The following SMYD3 variants were observed in gnomAD, a reference collection of about 807,000 sequenced individuals.
The protein encoded by SMYD3 is SET and MYND domain containing 3.
A neutral mutation model predicts 57.7 loss-of-function variants in SMYD3; 36 were observed. The observed-to-expected ratio is 0.62, with a 90% CI of 0.48 to 0.82. The LOEUF (loss-of-function observed/expected upper bound fraction) is 0.82, where lower values mean the gene tolerates loss of function less well. Among genes scored for constraint, SMYD3 ranks in the 40% least tolerant of loss-of-function variants. The probability of loss-of-function intolerance (pLI) is 0.00; values close to 1 mark genes in which losing one functional copy is unlikely to be tolerated. For synonymous variants in SMYD3, 211 were observed against 195.0 expected (o/e 1.08, Z -0.68); for missense variants, 515 against 538.8 (o/e 0.96, Z 0.44).
chr1:246,268,753 T>C (rs1171352844), intron 5 of SMYD3, among the ~76,000 whole-genome samples: 1 of 151,694 alleles, frequency 6.6e-6, no homozygotes, highest in Non-Finnish European at 1.5e-5. Flanking sequence ...AAGAAAGAAA[T>C]GGGCAACCAG....
intron 1 of SMYD3, among the ~76,000 whole-genome samples, chr1:246,382,698 AC>A (rs1056341733): frequency 2.0e-5 from 3 of 150,436 alleles, no homozygotes; most frequent in African/African-American, 7.4e-5. Flanking sequence ...GCCCCTGTGG[AC>A]CCAAGATCCA....
rs147966503 is a variant in SMYD3, at chr1:246,088,309, T to C, written c.532-158372A>G. ...TCTCTCTCTATTCAGGAGTTCTCAA[T>C]TTCCCATTTCTCCCGGCTTAAAAGT... is the stretch of plus-strand genomic sequence containing the variant. On this transcript the variant is annotated intron_variant, in intron 5 of 11. Coordinates refer to ENST00000490107, the MANE Select transcript of SMYD3 (RefSeq NM_001167740.2). 3.0e-3 allele frequency among the ~76,000 whole-genome samples: 451 copies of C among 152,172 alleles called. 4 individuals are homozygous for C. The highest frequency in any genetic ancestry group is 0.01 in the African/African-American group (432 of 41,492).
chr1:246,132,979 A>G (rs2061610527), intron 5 of SMYD3, among the ~76,000 whole-genome samples: 1 of 152,086 alleles, frequency 6.6e-6, no homozygotes, highest in Non-Finnish European at 1.5e-5. Flanking sequence ...ATAAACAGAA[A>G]AGAAGAAATG....
At chr1:245,979,420 A>G (rs1421173778) in intron 5 of SMYD3, among the ~76,000 whole-genome samples, 1 of 152,224 alleles carries the variant, frequency 6.6e-6, no homozygotes, top group African/African-American at 2.4e-5. Flanking sequence ...GGAAAAGATC[A>G]CACTAGAGAG....
intron 5 of SMYD3, among the ~76,000 whole-genome samples, chr1:246,236,095 T>C (rs1357028724): frequency 6.6e-6 from 1 of 152,146 alleles, no homozygotes; most frequent in Non-Finnish European, 1.5e-5. Context: ...TCAAACTCTA[T>C]ACAGTATTAT....
Position 245,793,153 on chromosome 1 carries a change from C to T in SMYD3, c.1077-29004G>A, listed in dbSNP as rs1367234946. 4.7e-5 allele frequency among the ~76,000 whole-genome samples: 7 copies of T among 148,708 alleles called. No homozygotes were observed. In the East Asian group the frequency reaches 8.0e-4, roughly 17 times the overall value. On this transcript the variant is annotated intron_variant, in intron 10 of 11. Transcript: ENST00000490107. ...TGAAACCCCGTCTCTACTAAAAATA[C>T]AAAAAATGAGCCGGGCATGGTGGCG... is the stretch of plus-strand genomic sequence containing the variant.
intron 5 of SMYD3, among the ~76,000 whole-genome samples, chr1:246,215,193 G>C (rs986554589): frequency 6.6e-6 from 1 of 152,130 alleles, no homozygotes; most frequent in African/African-American, 2.4e-5. Flanking sequence ...GATCCGGACA[G>C]TAATAAAACA....
At chr1:245,938,386 GC>G (rs2147882327) in intron 5 of SMYD3, among the ~76,000 whole-genome samples, 1 of 152,320 alleles carries the variant, frequency 6.6e-6, no homozygotes, top group Non-Finnish European at 1.5e-5. Context: ...CCTGGATACA[GC>G]CCGATAACCT....
intron 5 of SMYD3, among the ~76,000 whole-genome samples, chr1:245,996,140 G>A (rs1303661242): frequency 6.6e-6 from 1 of 152,146 alleles, no homozygotes; most frequent in Non-Finnish European, 1.5e-5. Flanking sequence ...AATACATATA[G>A]AGAAGCCATC....
chr1:246,337,397 A>T (rs546288652), intron 2 of SMYD3, among the ~76,000 whole-genome samples: 18 of 152,076 alleles, frequency 1.2e-4, no homozygotes, highest in East Asian at 7.7e-4. Context: ...ATATCTATAT[A>T]TTTTTTTTCA....
intron 5 of SMYD3, among the ~76,000 whole-genome samples, chr1:246,304,302 T>C (rs2064943755): frequency 6.6e-6 from 1 of 152,104 alleles, no homozygotes; most frequent in African/African-American, 2.4e-5. Flanking sequence ...GGCAGCAAAA[T>C]ATAATGAACT....
intron 10 of SMYD3, among the ~76,000 whole-genome samples, chr1:245,777,417 A>T (rs1311035534): frequency 6.6e-6 from 1 of 152,160 alleles, no homozygotes; most frequent in Non-Finnish European, 1.5e-5. Flanking sequence ...TTATTTTTTT[A>T]AAAATAACTA....
chr1:246,414,155 T>G (rs923230809), intron 1 of SMYD3, among the ~76,000 whole-genome samples: 11 of 152,138 alleles, frequency 7.2e-5, no homozygotes, highest in African/African-American at 2.7e-4. Context: ...CCTAGAGCAG[T>G]CAGAGAGACA....
intron 5 of SMYD3, among the ~76,000 whole-genome samples, chr1:246,147,443 T>C (rs2061867654): frequency 6.6e-6 from 1 of 152,082 alleles, no homozygotes; most frequent in African/African-American, 2.4e-5. Flanking sequence ...ACGTGCTCGG[T>C]GGTTGTAATT....
intron 8 of SMYD3, among the ~76,000 whole-genome samples, chr1:245,907,256 G>T (rs778981040): frequency 5.9e-5 from 9 of 152,094 alleles, no homozygotes; most frequent in Non-Finnish European, 1.0e-4. Context: ...ATGCTTGAGG[G>T]GATGGATACC....
At chr1:246,475,878 G>T (rs532954932) in intron 1 of SMYD3, among the ~76,000 whole-genome samples, 1 of 152,132 alleles carries the variant, frequency 6.6e-6, no homozygotes, top group Non-Finnish European at 1.5e-5. Flanking sequence ...GCCACCAAAA[G>T]TGCTAGTATT....
At chr1:245,871,896 A>G (rs1288585873) in intron 8 of SMYD3, among the ~76,000 whole-genome samples, 3 of 152,194 alleles carry the variant, frequency 2.0e-5, no homozygotes, top group African/African-American at 7.2e-5. Flanking sequence ...GGAAAGAAAA[A>G]AATGGTGGAG....
chr1:246,424,260 T>C (rs2067186065), intron 1 of SMYD3, among the ~76,000 whole-genome samples: 1 of 152,008 alleles, frequency 6.6e-6, no homozygotes, highest in Non-Finnish European at 1.5e-5. Context: ...TTATATTATT[T>C]TACAGTAGAT....
intron 5 of SMYD3, among the ~76,000 whole-genome samples, chr1:245,948,520 C>T (rs775553496): frequency 1.1e-4 from 16 of 152,236 alleles, no homozygotes; most frequent in Admixed American, 2.0e-4. Context: ...CCGGGGACCA[C>T]GCTGTGGCAC....
Sources: allele counts gnomAD v4.1 joint callset (sites outside exome capture counted in the v4.1 genomes callset), GRCh38; gene constraint gnomAD v4.1.1; transcripts MANE v1.5; gene names NCBI Gene and HGNC (gene_info 2026-07-23, HGNC 2026-07-21).